Variants in CDH23 observed in about 807,000 individuals in gnomAD.
The protein encoded by CDH23 is cadherin-23.
In CDH23, 189 loss-of-function variants were observed where a neutral mutation model predicts 317.1. The ratio of observed to expected loss-of-function variants is 0.60; its 90% CI spans 0.53 to 0.67. The LOEUF (loss-of-function observed/expected upper bound fraction) is 0.67, where lower values mean the gene tolerates loss of function less well. Among genes scored for constraint, CDH23 ranks in the 30% least tolerant of loss-of-function variants. The pLI, the probability that CDH23 is intolerant of heterozygous loss-of-function variation, is 0.00. For synonymous variants in CDH23, 1,839 were observed against 1,876.8 expected (o/e 0.98, Z 0.52); for missense variants, 4,401 against 4,592.4 (o/e 0.96, Z 1.20).
chr10:71,541,144 A>G (rs1272629467), intron 6 of CDH23, among the ~76,000 whole-genome samples: 2 of 152,136 alleles, frequency 1.3e-5, no homozygotes, highest in Non-Finnish European at 1.5e-5. Context: ...GCTCTTATGG[A>G]TCTTTCAAAC....
chr10:71,425,371 A>AGAAGGAATGAAGGAAGGAAGGAAG, intron 1 of CDH23, among the ~76,000 whole-genome samples: 1 of 82,418 alleles, frequency 1.2e-5, no homozygotes, highest in Non-Finnish European at 2.5e-5. Flanking sequence ...AAGAGAGAGG[A>AGAAGGAATGAAGGAAGGAAGGAAG]GAAGGAAGGA....
chr10:71,780,170 T>C (rs1840914866), intron 41 of CDH23, among the ~76,000 whole-genome samples: 1 of 152,210 alleles, frequency 6.6e-6, no homozygotes, highest in African/African-American at 2.4e-5. Context: ...GATTTTTTAA[T>C]TGGTCGTGCA....
chr10:71,614,965 T>A (rs1343215569), intron 9 of CDH23, among the ~76,000 whole-genome samples: 1 of 152,352 alleles, frequency 6.6e-6, no homozygotes, highest in East Asian at 1.9e-4. Context: ...AGTACTTTTT[T>A]AAAATTATGT....
intron 6 of CDH23, among the ~76,000 whole-genome samples, chr10:71,539,340 G>C (rs1296871723): frequency 6.6e-6 from 1 of 152,102 alleles, no homozygotes; most frequent in African/African-American, 2.4e-5. Flanking sequence ...TGGCACTCCA[G>C]GGCTCCCTCC....
intron 28 of CDH23, among the ~76,000 whole-genome samples, chr10:71,723,117 C>T (rs1459523982): frequency 6.6e-6 from 1 of 152,078 alleles, no homozygotes; most frequent in Non-Finnish European, 1.5e-5. Flanking sequence ...GGTGGTGAGA[C>T]AAGAAGGGGC....
intron 11 of CDH23, among the ~76,000 whole-genome samples, chr10:71,625,963 T>C (rs1253508939): frequency 6.6e-6 from 1 of 152,176 alleles, no homozygotes; most frequent in Non-Finnish European, 1.5e-5. Context: ...CCAAGAGACA[T>C]CTCAGATATT....
intron 1 of CDH23, among the ~76,000 whole-genome samples, chr10:71,403,459 TTCCTTCCTTCC>T (rs1564558602): frequency 0.014 from 353 of 25,070 alleles, 23 homozygotes; most frequent in African/African-American, 0.034. Flanking sequence ...CTTCCTTTCC[TTCCTTCCTTCC>T]TTCCTTCCTT....
intron 3 of CDH23, among the ~76,000 whole-genome samples, chr10:71,498,895 A>G (rs936411350): frequency 3.3e-5 from 5 of 152,194 alleles, no homozygotes; most frequent in African/African-American, 1.2e-4. Flanking sequence ...GGGCATATTA[A>G]TTTTTAAAAA....
At chr10:71,450,181 C>T (rs1207506320) in intron 3 of CDH23, among the ~76,000 whole-genome samples, 1 of 152,134 alleles carries the variant, frequency 6.6e-6, no homozygotes, top group Non-Finnish European at 1.5e-5. Context: ...TGCCTATCAG[C>T]CCTGAATGGT....
At chr10:71,623,170 T>C (rs1159928705) in intron 11 of CDH23, among the ~76,000 whole-genome samples, 1 of 151,620 alleles carries the variant, frequency 6.6e-6, no homozygotes, top group Non-Finnish European at 1.5e-5. Flanking sequence ...ATAAACAGGG[T>C]GAGTGAGTGA....
intron 3 of CDH23, among the ~76,000 whole-genome samples, chr10:71,465,398 A>C (rs1317593578): frequency 6.6e-6 from 1 of 152,224 alleles, no homozygotes; most frequent in African/African-American, 2.4e-5. Flanking sequence ...CCTATCCCTA[A>C]GACAAAGGAC....
chr10:71,807,412 G>A lies in CDH23; in HGVS notation c.8308+6G>A. ...CGTGTACTACTTCATCGCAGGTGGG[G>A]CCAGACAGAGCTAGTGCCCTGATTA... is the stretch of plus-strand genomic sequence containing the variant. On this transcript the variant is annotated splice_donor_region_variant and intron_variant, in intron 58 of 69. Coordinates refer to ENST00000224721, the MANE Select transcript of CDH23 (RefSeq NM_022124.6). 1 of 1,613,798 alleles carries A rather than the reference G, an allele frequency of 6.2e-7. No individual in the cohort carries two copies. The highest frequency in any genetic ancestry group is 1.1e-5 in the South Asian group (1 of 91,064).
At chr10:71,444,786 G>A (rs1028955491) in intron 2 of CDH23, among the ~76,000 whole-genome samples, 3 of 152,174 alleles carry the variant, frequency 2.0e-5, no homozygotes, top group Non-Finnish European at 2.9e-5. Context: ...AGGGAGCCCC[G>A]GGTCAGCAGA....
At chr10:71,404,895 G>A (rs1352387233) in intron 1 of CDH23, among the ~76,000 whole-genome samples, 1 of 152,238 alleles carries the variant, frequency 6.6e-6, no homozygotes, top group Non-Finnish European at 1.5e-5. Context: ...TTGTGACAAG[G>A]GCCATGCACA....
chr10:71,787,275 G>A (rs1841131665), intron 44 of CDH23, among the ~76,000 whole-genome samples: 2 of 151,642 alleles, frequency 1.3e-5, no homozygotes, highest in East Asian at 1.9e-4. Flanking sequence ...CCAGAATAGG[G>A]TCTTCAACCC....
At chr10:71,503,083 C>T (rs1008630722) in intron 3 of CDH23, among the ~76,000 whole-genome samples, 1 of 152,264 alleles carries the variant, frequency 6.6e-6, no homozygotes, top group Non-Finnish European at 1.5e-5. Context: ...TCAGGGGAAG[C>T]TGTGATTGTC....
chr10:71,683,336 A>G (rs1231198412), intron 18 of CDH23, among the ~76,000 whole-genome samples: 2 of 152,232 alleles, frequency 1.3e-5, no homozygotes, highest in Non-Finnish European at 2.9e-5. Context: ...TCAGGTTGTC[A>G]GGTTCAGAGA....
intron 38 of CDH23, among the ~76,000 whole-genome samples, chr10:71,746,861 A>G (rs1839863467): frequency 6.6e-6 from 1 of 152,200 alleles, no homozygotes; most frequent in African/African-American, 2.4e-5. Flanking sequence ...CCCTTCTGGT[A>G]TGCAAGTCCC....
At chr10:71,579,703 G>A (rs1858492245) in intron 9 of CDH23, among the ~76,000 whole-genome samples, 1 of 152,170 alleles carries the variant, frequency 6.6e-6, no homozygotes, top group Non-Finnish European at 1.5e-5. Context: ...AGGAAGGCAG[G>A]ACCTGCCTGG....
Sources: gnomAD v4.1 joint callset for allele counts (sites outside exome capture counted in the v4.1 genomes callset) on GRCh38, gnomAD v4.1.1 for gene constraint, MANE v1.5 for transcripts, NCBI Gene and HGNC (gene_info 2026-07-23, HGNC 2026-07-21) for gene names.